The following TRIM64B variants were observed in gnomAD, a reference collection of about 807,000 sequenced individuals.
The protein encoded by TRIM64B is tripartite motif-containing protein 64B.
For synonymous variants in TRIM64B, 17 were observed against 190.3 expected, an observed-to-expected ratio of 0.09 and a Z score of 7.50; for missense variants, 57 against 536.4, an observed-to-expected ratio of 0.11 and a Z score of 8.83.
At chr11:89,872,977 A>G (rs139490216) in intron 4 of TRIM64B, among the ~76,000 whole-genome samples, 9,602 of 137,648 alleles carry the variant, frequency 0.07, 11 homozygotes, top group Middle Eastern at 0.12. Flanking sequence ...AGATGCCTCT[A>G]TGATTCCTCA....
upstream of TRIM64B, among the ~76,000 whole-genome samples, chr11:89,877,994 C>A (rs1950175980): frequency 6.7e-6 from 1 of 148,306 alleles, no homozygotes; most frequent in Non-Finnish European, 1.5e-5. Flanking sequence ...CAAATAAGAC[C>A]TTTGCAACAA....
At chr11:89,872,818 A>G (rs1950125294) in intron 4 of TRIM64B, among the ~76,000 whole-genome samples, 1 of 151,756 alleles carries the variant, frequency 6.6e-6, no homozygotes. Flanking sequence ...GGTCTTTCCT[A>G]GAACTGGGTG....
intron 5 of TRIM64B, among the ~76,000 whole-genome samples, 175 bp from the exon 7 acceptor site, chr11:89,871,289 AATTATGT>A (rs1410561513): frequency 1.3e-5 from 2 of 152,232 alleles, no homozygotes; most frequent in Admixed American, 6.5e-5. Flanking sequence ...CAGCACATAC[AATTATGT>A]ATTATTCCTT....
chr11:89,876,817 A>C (rs1418318129), upstream of TRIM64B, among the ~76,000 whole-genome samples: 1 of 149,454 alleles, frequency 6.7e-6, no homozygotes, highest in Non-Finnish European at 1.5e-5. Context: ...ACGGGTATGA[A>C]ACTTACGAAT....
At chr11:89,872,552 TCATTAAAA>T (rs1950121917) in intron 4 of TRIM64B, among the ~76,000 whole-genome samples, 1 of 151,792 alleles carries the variant, frequency 6.6e-6, no homozygotes, top group Non-Finnish European at 1.5e-5. Context: ...ACTTCTAAAG[TCATTAAAA>T]GTCATTGCCT....
At chr11:89,876,883 C>T (rs1176198144), upstream of TRIM64B, among the ~76,000 whole-genome samples, 2 of 149,320 alleles carry the variant, frequency 1.3e-5, no homozygotes, top group South Asian at 2.1e-4. Context: ...GTCCTCATGG[C>T]ATTTTTGTTA....
intron 3 of TRIM64B, 23 bp downstream of exon 4, chr11:89,874,026 G>A (rs1319716016): frequency 6.5e-7 from 1 of 1,549,004 alleles, no homozygotes; most frequent in Non-Finnish European, 8.7e-7. Flanking sequence ...TCCTGTCTCT[G>A]AGGATGGACC....
upstream of TRIM64B, among the ~76,000 whole-genome samples, chr11:89,876,637 G>T (rs1261605492): frequency 6.7e-6 from 1 of 148,910 alleles, no homozygotes; most frequent in African/African-American, 2.4e-5. Flanking sequence ...CAGGAGAATC[G>T]CTTGAACCCA....
exon 1 of TRIM64B, chr11:89,875,793 G>C: frequency 6.5e-7 from 1 of 1,540,704 alleles, no homozygotes; most frequent in East Asian, 2.5e-5. Context: ...GTCTGGCTAG[G>C]GAAGACAGCT....
chr11:89,876,902 G>A (rs548916361), upstream of TRIM64B, among the ~76,000 whole-genome samples: 64 of 149,170 alleles, frequency 4.3e-4, 2 homozygotes, highest in African/African-American at 1.5e-3. Context: ...TAAACAAGCC[G>A]TGCTCTCAGT....
chr11:89,877,484 G>A (rs1421317061), upstream of TRIM64B, among the ~76,000 whole-genome samples: 3 of 146,592 alleles, frequency 2.0e-5, no homozygotes, highest in South Asian at 2.2e-4. Flanking sequence ...ATCCAGAAAT[G>A]CAGTTAATGG....
At chr11:89,875,268 T>C (rs1340844547) in intron 1 of TRIM64B, among the ~76,000 whole-genome samples, 195 bp from the exon 3 acceptor site, 1 of 152,246 alleles carries the variant, frequency 6.6e-6, no homozygotes, top group East Asian at 1.9e-4. Context: ...TAGAGAGTTT[T>C]AAGGGACCCT....
chr11:89,873,963 T>C (rs1950137399), intron 3 of TRIM64B, 86 bp downstream of exon 4: 1 of 823,192 alleles, frequency 1.2e-6, no homozygotes, highest in African/African-American at 1.7e-5. Context: ...CTTAGAGCAG[T>C]GACATACGCA....
At chr11:89,874,325 T>G (rs754921542) in intron 2 of TRIM64B, 46 bp from the exon 4 acceptor site, 3 of 1,129,074 alleles carry the variant, frequency 2.7e-6, no homozygotes, top group Non-Finnish European at 3.7e-6. Context: ...TCACTCTCAA[T>G]AGAAAACTTC....
At chr11:89,876,381 A>G (rs1294252164), upstream of TRIM64B, among the ~76,000 whole-genome samples, 19 of 148,304 alleles carry the variant, frequency 1.3e-4, no homozygotes, top group African/African-American at 4.4e-4. Flanking sequence ...AATGCTGTAT[A>G]AATACTTGTA....
chr11:89,877,615 T>C (rs184226433), upstream of TRIM64B, among the ~76,000 whole-genome samples: 672 of 147,512 alleles, frequency 4.6e-3, 31 homozygotes, highest in African/African-American at 0.015. Context: ...TTTTCTTTTT[T>C]TTTTTTTTTT....
At chr11:89,877,292 AT>A (rs561877763), upstream of TRIM64B, among the ~76,000 whole-genome samples, 1 of 111,570 alleles carries the variant, frequency 9.0e-6, no homozygotes, top group Non-Finnish European at 1.8e-5. Flanking sequence ...AATATCTATT[AT>A]TTTTAATTAG....
chr11:89,874,705 ATGT>A (rs1327948022), intron 2 of TRIM64B, among the ~76,000 whole-genome samples: 1 of 123,252 alleles, frequency 8.1e-6, no homozygotes, highest in Non-Finnish European at 1.7e-5. Flanking sequence ...ACTTAGTGAA[ATGT>A]TGTCTCATCT....
chr11:89,871,424 T>G (rs1344606144), intron 5 of TRIM64B, among the ~76,000 whole-genome samples: 3 of 152,218 alleles, frequency 2.0e-5, no homozygotes, highest in Non-Finnish European at 2.9e-5. Context: ...TAGAAAACTC[T>G]CCTTGTATTA....
Sources: allele counts gnomAD v4.1 joint callset (sites outside exome capture counted in the v4.1 genomes callset), GRCh38; gene constraint gnomAD v4.1.1; transcripts MANE v1.5; gene names NCBI Gene and HGNC (gene_info 2026-07-23, HGNC 2026-07-21).